Variants in SLC4A4 observed in about 807,000 individuals in gnomAD.
SLC4A4 encodes the protein solute carrier family 4 member 4, also known as electrogenic sodium bicarbonate cotransporter 1.
In SLC4A4, 27 loss-of-function variants were observed where a neutral mutation model predicts 111.5. The ratio of observed to expected loss-of-function variants is 0.24; its 90% confidence interval spans 0.18 to 0.33. The LOEUF is 0.33. SLC4A4 is among the 10% of genes least tolerant of loss of function. The probability of loss-of-function intolerance (pLI) is 1.00; values close to 1 mark genes in which losing one functional copy is unlikely to be tolerated. For missense variants in SLC4A4, 909 were observed against 1,315.5 expected, an observed-to-expected ratio of 0.69 and a Z score of 4.78; for synonymous variants, 443 against 463.4, an observed-to-expected ratio of 0.96 and a Z score of 0.57.
At chr4:71,402,359 C>G (rs941282883) in intron 7 of SLC4A4, among the ~76,000 whole-genome samples, 1 of 152,040 alleles carries the variant, frequency 6.6e-6, no homozygotes, top group Non-Finnish European at 1.5e-5. Context: ...AGATTTCCAT[C>G]CCAGGGCTCA....
chr4:71,210,419 G>GAAATGTTGAAGAAAGT (rs1718058321), intron 1 of SLC4A4, among the ~76,000 whole-genome samples: 1 of 152,324 alleles, frequency 6.6e-6, no homozygotes, highest in Admixed American at 6.5e-5. Context: ...ACAGTTGCCA[G>GAAATGTTGAAGAAAGT]AAATGTTGAA....
rs556480033 is a variant in SLC4A4 at position 71,440,276 on chromosome 4, T to C, written c.808-340T>C. ...ACCCCTGTTTCCCTAAGGCTTATAG[T>C]ATTGCCTGGCTTATAGTAGATTTTC... is the stretch of plus-strand genomic sequence containing the variant. On this transcript the variant is annotated intron_variant, in intron 7 of 25. Transcript: ENST00000264485. Among the ~76,000 whole-genome samples, 7 of 152,306 alleles carry C rather than the reference T, an allele frequency of 4.6e-5. No homozygotes were observed. In the South Asian group the frequency reaches 1.5e-3, roughly 32 times the overall value.
Position 71,532,124 on chromosome 4 carries a change from T to C in SLC4A4, c.2229T>C (p.Asp743=), listed in dbSNP as rs748437858. 6.2e-7 allele frequency: 1 copy of C among 1,613,354 alleles called. No individual in the cohort carries two copies. The highest frequency in any genetic ancestry group is 2.2e-5 in the East Asian group (1 of 44,828). Residue 743 remains aspartate, a synonymous_variant, in exon 17 of 26, where the codon GAT becomes GAC. Transcript: ENST00000264485. ...ILSILIFCVI[D]ALVGVDTPKL... ...CCATTCTCATCTTTTGTGTAATAGA[T>C]GCCCTAGTAGGCGTGGACACCCCAA...
At chr4:71,410,848 TCTTTCCC>T (rs1721302204) in intron 7 of SLC4A4, among the ~76,000 whole-genome samples, 2 of 152,328 alleles carry the variant, frequency 1.3e-5, no homozygotes, top group South Asian at 4.1e-4. Flanking sequence ...GGTGGTATTC[TCTTTCCC>T]CTCTCCTTTC....
intron 2 of SLC4A4, among the ~76,000 whole-genome samples, chr4:71,251,931 G>A (rs1270109830): frequency 1.3e-5 from 2 of 151,926 alleles, no homozygotes. Flanking sequence ...TCCCTTGCTG[G>A]GTTGGAAAGC....
chr4:71,345,555 G>A (rs562315157), intron 4 of SLC4A4, among the ~76,000 whole-genome samples: 129 of 152,188 alleles, frequency 8.5e-4, no homozygotes, highest in South Asian at 3.3e-3. Context: ...GGGTATTGAT[G>A]TTTTACTTCC....
intron 18 of SLC4A4, among the ~76,000 whole-genome samples, chr4:71,540,566 T>A (rs1403466157): frequency 6.6e-6 from 1 of 152,170 alleles, no homozygotes; most frequent in East Asian, 1.9e-4. Context: ...TTGCTATGTA[T>A]GGAACACTTG....
At chr4:71,557,252 C>T (rs1000272876) in intron 21 of SLC4A4, among the ~76,000 whole-genome samples, 2 of 151,882 alleles carry the variant, frequency 1.3e-5, no homozygotes, top group African/African-American at 4.8e-5. Flanking sequence ...TCCTTTATAT[C>T]CTTAAAACAT....
upstream of SLC4A4, among the ~76,000 whole-genome samples, chr4:71,185,261 G>A (rs1259649498): frequency 6.6e-6 from 1 of 152,212 alleles, no homozygotes; most frequent in East Asian, 1.9e-4. Context: ...ATAATCCACA[G>A]TGTGAAAAAC....
chr4:71,432,146 G>A (rs759378936), intron 7 of SLC4A4, among the ~76,000 whole-genome samples: 17 of 152,170 alleles, frequency 1.1e-4, no homozygotes, highest in Non-Finnish European at 1.9e-4. Flanking sequence ...AAAAGCAGAC[G>A]TGAGGAAAAG....
chr4:71,374,351 CCTTCACTGTAG>C, intron 6 of SLC4A4, among the ~76,000 whole-genome samples: 1 of 152,136 alleles, frequency 6.6e-6, no homozygotes, highest in Non-Finnish European at 1.5e-5. Flanking sequence ...TTTAAAAATT[CCTTCACTGTAG>C]CTTTTCATAG....
In SLC4A4 at chr4:71,235,929, C is replaced by T. The variant is rs1345009287; in HGVS notation, c.-1-647C>T. 2.6e-5 allele frequency: 12 copies of T among 466,224 alleles called. 1 individual carries two copies. Among genetic ancestry groups the T allele is most frequent in the African/African-American group, 6.4e-5 (3 of 46,996 alleles). 28.9% of individuals were successfully genotyped at this position (466,224 alleles called of 1,614,324 possible). On this transcript the variant is annotated intron_variant, in intron 1 of 25. Coordinates refer to ENST00000264485, the MANE Select transcript of SLC4A4 (RefSeq NM_001098484.3). ...GGTGGCATGTATCTGTGTGTATTGT[C>T]GAAGCCGGGTTGCTGGATAATCCTC...
intron 2 of SLC4A4, among the ~76,000 whole-genome samples, chr4:71,165,318 G>A (rs574454114): frequency 6.6e-6 from 1 of 152,180 alleles, no homozygotes; most frequent in Non-Finnish European, 1.5e-5. Flanking sequence ...GCCCATCAAT[G>A]ATGGTCTGGA....
intron 6 of SLC4A4, among the ~76,000 whole-genome samples, chr4:71,387,153 A>G (rs576701491): frequency 2.0e-5 from 3 of 152,322 alleles, no homozygotes; most frequent in African/African-American, 4.8e-5. Flanking sequence ...TACTTGGCAG[A>G]TTCCAATGTG....
At chr4:71,233,746 C>A (rs1719604234) in intron 1 of SLC4A4, among the ~76,000 whole-genome samples, 1 of 152,174 alleles carries the variant, frequency 6.6e-6, no homozygotes, top group Non-Finnish European at 1.5e-5. Flanking sequence ...TGTTCCCCAA[C>A]AACTTGTTTC....
chr4:71,324,792 G>A (rs1016374342), intron 3 of SLC4A4, among the ~76,000 whole-genome samples: 3 of 151,970 alleles, frequency 2.0e-5, no homozygotes, highest in East Asian at 1.9e-4. Context: ...AAAAAGCTAC[G>A]GTACAGATAT....
chr4:71,523,513 G>C (rs1283368159), intron 16 of SLC4A4, among the ~76,000 whole-genome samples: 3 of 152,206 alleles, frequency 2.0e-5, no homozygotes, highest in East Asian at 3.9e-4. Flanking sequence ...AATAGGTTGG[G>C]AGCAGTGATT....
At chr4:71,238,448 G>T (rs1278038584) in intron 2 of SLC4A4, among the ~76,000 whole-genome samples, 1 of 152,190 alleles carries the variant, frequency 6.6e-6, no homozygotes, top group East Asian at 1.9e-4. Flanking sequence ...ACAACCAAAG[G>T]TGGTAGAAAC....
chr4:71,452,244 A>T (rs1725837221), intron 11 of SLC4A4, among the ~76,000 whole-genome samples: 2 of 152,182 alleles, frequency 1.3e-5, no homozygotes, highest in African/African-American at 4.8e-5. Flanking sequence ...TTCTGAAAGG[A>T]TAGAGAACAT....
Sources: allele counts gnomAD v4.1 joint callset (sites outside exome capture counted in the v4.1 genomes callset), GRCh38; gene constraint gnomAD v4.1.1; transcripts MANE v1.5; gene names NCBI Gene and HGNC (gene_info 2026-07-23, HGNC 2026-07-21).